Variants in RSPO3 observed in about 807,000 individuals in gnomAD.
RSPO3 encodes the protein R-spondin-3.
Under a neutral mutation model 36.5 loss-of-function variants are expected in RSPO3, and 17 were observed. The ratio of observed to expected loss-of-function variants is 0.47; its 90% CI spans 0.32 to 0.70. The LOEUF (loss-of-function observed/expected upper bound fraction) is 0.70, where lower values mean the gene tolerates loss of function less well. Ranked by LOEUF, RSPO3 falls within the 30% of genes least tolerant of loss-of-function variation. The pLI is 0.04. For synonymous variants in RSPO3, 108 were observed against 107.0 expected, an observed-to-expected ratio of 1.01 and a Z score of -0.06; for missense variants, 294 against 322.5, an observed-to-expected ratio of 0.91 and a Z score of 0.68.
chr6:127,120,678 G>T (rs908197918), intron 1 of RSPO3, among the ~76,000 whole-genome samples: 25 of 152,242 alleles, frequency 1.6e-4, no homozygotes, highest in African/African-American at 5.5e-4. Context: ...TGTATTGCTG[G>T]CCTCGGCCAG....
At position 127,197,405 on chromosome 6, in the gene RSPO3, T is replaced by C; in HGVS notation, c.*1398T>C. On this transcript the variant is annotated 3_prime_UTR_variant, in exon 5 of 5. Coordinates refer to ENST00000356698, the MANE Select transcript of RSPO3 (RefSeq NM_032784.5). The stretch of plus-strand genomic sequence containing the variant: ...ATTTAGTCTTTTCTTCTCCATATTT[T>C]CTATCTGTGGATCTCTTTAGGGGAT... The C allele has an allele frequency of 6.5e-7, 1 of 1,550,092 alleles. No individual in the cohort carries two copies. Among genetic ancestry groups the C allele is most frequent in the Non-Finnish European group, 8.7e-7 (1 of 1,146,728 alleles).
At chr6:127,126,514 G>A (rs568375537) in intron 1 of RSPO3, among the ~76,000 whole-genome samples, 2 of 152,164 alleles carry the variant, frequency 1.3e-5, no homozygotes, top group Admixed American at 6.5e-5. Flanking sequence ...GGTATCATAA[G>A]CTGTAGTTGT....
intron 4 of RSPO3, among the ~76,000 whole-genome samples, chr6:127,169,641 G>A (rs1054138497): frequency 9.9e-5 from 15 of 151,978 alleles, no homozygotes; most frequent in East Asian, 3.9e-4. Flanking sequence ...TGACTTTGCA[G>A]AAGTGACATT....
chr6:127,192,994 T>A (rs1449519008), intron 4 of RSPO3, among the ~76,000 whole-genome samples: 1 of 152,180 alleles, frequency 6.6e-6, no homozygotes. Flanking sequence ...CTATTTTATT[T>A]CTTACACAAG....
At chr6:127,191,786 A>G (rs1034959125) in intron 4 of RSPO3, among the ~76,000 whole-genome samples, 10 of 152,212 alleles carry the variant, frequency 6.6e-5, no homozygotes, top group African/African-American at 2.4e-4. Flanking sequence ...TCACAGAAAC[A>G]TCCAAACTCT....
intron 1 of RSPO3, among the ~76,000 whole-genome samples, chr6:127,136,949 G>A (rs530507171): frequency 1.3e-5 from 2 of 152,258 alleles, no homozygotes; most frequent in South Asian, 2.1e-4. Flanking sequence ...GCTTATTGTG[G>A]GGAGAAGGAG....
chr6:127,130,007 T>C (rs1774020000), intron 1 of RSPO3, among the ~76,000 whole-genome samples: 1 of 152,154 alleles, frequency 6.6e-6, no homozygotes, highest in Non-Finnish European at 1.5e-5. Context: ...CTAAAATATC[T>C]GGAGCTAGAA....
intron 4 of RSPO3, among the ~76,000 whole-genome samples, chr6:127,159,003 T>C (rs1774651384): frequency 6.6e-6 from 1 of 152,170 alleles, no homozygotes; most frequent in Non-Finnish European, 1.5e-5. Flanking sequence ...TGAAACATCA[T>C]ATTTAAGTAG....
At chr6:127,119,580 G>T (rs563588359) in intron 1 of RSPO3, among the ~76,000 whole-genome samples, 1 of 152,374 alleles carries the variant, frequency 6.6e-6, no homozygotes, top group African/African-American at 2.4e-5. Flanking sequence ...TCCTGGGTTA[G>T]ACTCGCACCC....
intron 4 of RSPO3, chr6:127,192,637 C>T (rs999649884): frequency 7.1e-6 from 7 of 984,842 alleles, no homozygotes; most frequent in Non-Finnish European, 8.4e-6. Context: ...CCCAAACACC[C>T]TCATAGGTAG....
intron 4 of RSPO3, among the ~76,000 whole-genome samples, chr6:127,186,988 T>A (rs1291039418): frequency 6.6e-6 from 1 of 152,192 alleles, no homozygotes; most frequent in African/African-American, 2.4e-5. Flanking sequence ...ATATTTAAAT[T>A]GCTGAGAGAA....
intron 1 of RSPO3, among the ~76,000 whole-genome samples, chr6:127,139,275 G>A (rs1406313466): frequency 1.3e-5 from 2 of 152,160 alleles, no homozygotes; most frequent in Admixed American, 1.3e-4. Flanking sequence ...AGTGCTTGTT[G>A]AAATACCACA....
chr6:127,135,537 G>A (rs2114556762), intron 1 of RSPO3, among the ~76,000 whole-genome samples: 1 of 152,016 alleles, frequency 6.6e-6, no homozygotes. Context: ...TAATAAGGGA[G>A]GTAGAATCTG....
intron 3 of RSPO3, among the ~76,000 whole-genome samples, chr6:127,153,162 G>A (rs1363471881): frequency 1.3e-5 from 2 of 152,054 alleles, no homozygotes; most frequent in African/African-American, 4.8e-5. Flanking sequence ...TTAGTGAATA[G>A]CTAAAGATTT....
chr6:127,136,563 G>A (rs539130009), intron 1 of RSPO3, among the ~76,000 whole-genome samples: 14 of 152,146 alleles, frequency 9.2e-5, no homozygotes, highest in Middle Eastern at 3.4e-3. Flanking sequence ...CTTTCTCATC[G>A]TCTTATTTGA....
chr6:127,122,892 T>A (rs1467639965), intron 1 of RSPO3, among the ~76,000 whole-genome samples: 3 of 152,146 alleles, frequency 2.0e-5, no homozygotes, highest in Non-Finnish European at 4.4e-5. Context: ...AAACATCAGA[T>A]GGCATTTAGC....
chr6:127,182,327 G>T (rs936507371), intron 4 of RSPO3, among the ~76,000 whole-genome samples: 2 of 151,706 alleles, frequency 1.3e-5, no homozygotes, highest in East Asian at 1.9e-4. Flanking sequence ...ACCTTAACTA[G>T]GTCTTAAGGT....
chr6:127,176,619 T>C (rs7771990), intron 4 of RSPO3, among the ~76,000 whole-genome samples: 71,042 of 151,138 alleles, frequency 0.47, 16,834 homozygotes, highest in East Asian at 0.54. Flanking sequence ...AGGAAAACAA[T>C]ATGACACTTC....
chr6:127,190,936 C>T (rs1775397472), intron 4 of RSPO3, among the ~76,000 whole-genome samples: 1 of 152,028 alleles, frequency 6.6e-6, no homozygotes. Flanking sequence ...TTTTCATAAC[C>T]TCATTATGTT....
Sources: gnomAD v4.1 joint callset for allele counts (sites outside exome capture counted in the v4.1 genomes callset) on GRCh38, gnomAD v4.1.1 for gene constraint, MANE v1.5 for transcripts, NCBI Gene and HGNC (gene_info 2026-07-23, HGNC 2026-07-21) for gene names.